The following EEF2K variants were observed in gnomAD, a reference collection of about 807,000 sequenced individuals.
The protein encoded by EEF2K is alternative protein EEF2K.
EEF2K carries 70 observed loss-of-function variants against 93.8 expected under a neutral mutation model. That is an observed-to-expected ratio of 0.75 (90% CI 0.62 to 0.91). The LOEUF is 0.91. EEF2K is among the 40% of genes least tolerant of loss of function. EEF2K has a pLI of 0.00. For missense variants in EEF2K, 935 were observed against 972.9 expected, an observed-to-expected ratio of 0.96 and a Z score of 0.52; for synonymous variants, 376 against 380.8, an observed-to-expected ratio of 0.99 and a Z score of 0.15.
intron 4 of EEF2K, among the ~76,000 whole-genome samples, chr16:22,250,352 A>G (rs1013095543): frequency 6.6e-6 from 1 of 152,106 alleles, no homozygotes; most frequent in Non-Finnish European, 1.5e-5. Flanking sequence ...TCTTACAGTC[A>G]GGGCTGGGAA....
chr16:22,210,669 A>G (rs2142097768), intron 1 of EEF2K, among the ~76,000 whole-genome samples: 1 of 152,300 alleles, frequency 6.6e-6, no homozygotes, highest in East Asian at 1.9e-4. Context: ...TCTCATCTGT[A>G]GAATGAAGCT....
intron 9 of EEF2K, 147 bp downstream of exon 9, chr16:22,257,917 C>G: frequency 8.1e-7 from 1 of 1,238,660 alleles, no homozygotes; most frequent in South Asian, 1.5e-5. Context: ...CATCCATGCC[C>G]CAGCCCGTCC....
chr16:22,264,979 T>G lies in EEF2K; in HGVS notation c.1440+99T>G, dbSNP rs1009461034. 10 of 1,406,186 alleles carry G rather than the reference T, an allele frequency of 7.1e-6. No homozygotes were observed. In the East Asian group the frequency reaches 1.9e-4, roughly 27 times the overall value. The allele number at this position is 1,406,186 out of a possible 1,614,324, so 87.1% of individuals were successfully genotyped here. A position where few individuals can be genotyped will look rare whatever the true frequency, so the allele number is the denominator to read the frequency against. On this transcript the variant is annotated intron_variant, in intron 13 of 17. Coordinates refer to ENST00000263026, the MANE Select transcript of EEF2K (RefSeq NM_013302.5). ...CTCATATCTCTGCTGCCTGCCCATC[T>G]GTCTTGCACATGTGCTAAAGGAAGA...
At chr16:22,239,536 C>T (rs1234294692) in intron 2 of EEF2K, among the ~76,000 whole-genome samples, 3 of 152,102 alleles carry the variant, frequency 2.0e-5, no homozygotes, top group South Asian at 2.1e-4. Context: ...TTGGGCTGGG[C>T]GTGGTGGCTC....
intron 2 of EEF2K, 102 bp downstream of exon 2, chr16:22,226,077 T>A: frequency 6.7e-7 from 1 of 1,503,044 alleles, no homozygotes; most frequent in East Asian, 2.3e-5. Flanking sequence ...TTCCAAACCC[T>A]GGACAGTGCT....
intron 15 of EEF2K, among the ~76,000 whole-genome samples, chr16:22,269,755 G>T (rs753475051): frequency 1.3e-5 from 2 of 152,036 alleles, no homozygotes; most frequent in Non-Finnish European, 2.9e-5. Context: ...ATCACATTCT[G>T]CATGGACGTG....
chr16:22,208,791 G>A (rs531421978), intron 1 of EEF2K, among the ~76,000 whole-genome samples: 1 of 152,170 alleles, frequency 6.6e-6, no homozygotes, highest in Admixed American at 6.5e-5. Context: ...GTATTATGTG[G>A]CAGAGAAAGC....
chr16:22,270,747 C>T (rs2047571318), intron 15 of EEF2K, among the ~76,000 whole-genome samples: 1 of 152,128 alleles, frequency 6.6e-6, no homozygotes, highest in Admixed American at 6.6e-5. Flanking sequence ...AGAATATTGG[C>T]AGTTTCTTAT....
intron 10 of EEF2K, among the ~76,000 whole-genome samples, chr16:22,259,341 G>C (rs1328934748): frequency 6.6e-6 from 1 of 152,172 alleles, no homozygotes; most frequent in Non-Finnish European, 1.5e-5. Flanking sequence ...AGGAGAGCAA[G>C]ATTTTATTGT....
intron 4 of EEF2K, among the ~76,000 whole-genome samples, chr16:22,249,458 C>T (rs745720157): frequency 3.3e-5 from 5 of 152,116 alleles, no homozygotes; most frequent in African/African-American, 7.2e-5. Flanking sequence ...GCCTTAACAT[C>T]GGCCCGTATC....
At chr16:22,274,848 A>G (rs541431731) in intron 16 of EEF2K, among the ~76,000 whole-genome samples, 14 of 152,178 alleles carry the variant, frequency 9.2e-5, no homozygotes, top group African/African-American at 3.1e-4. Flanking sequence ...GGCTCAAGCA[A>G]CCTTCCCTCC....
chr16:22,265,285 C>T lies in EEF2K; in HGVS notation c.1440+405C>T, dbSNP rs142141351. On this transcript the variant is annotated intron_variant, in intron 13 of 17. Transcript: ENST00000263026. ...AGCAACTTTCCCCAGGTTACCCTCG[C>T]TTGTATGTCTAACAAGCATCAGCAA... 1.9e-3 allele frequency: 343 copies of T among 176,752 alleles called. 1 individual carries two copies. The highest frequency in any genetic ancestry group is 2.8e-3 in the Non-Finnish European group (228 of 82,408). The allele number at this position is 176,752 out of a possible 1,614,324, so 10.9% of individuals were successfully genotyped here. A position where few individuals can be genotyped will look rare whatever the true frequency, so the allele number is the denominator to read the frequency against.
At chr16:22,264,735 A>T in intron 12 of EEF2K, 83 bp from the exon 13 acceptor site, 1 of 1,512,560 alleles carries the variant, frequency 6.6e-7, no homozygotes, top group Non-Finnish European at 9.1e-7. Context: ...GGTTCCAGGG[A>T]GGAGGGCTGG....
At chr16:22,250,546 C>T (rs1444634433) in intron 4 of EEF2K, 108 bp from the exon 5 acceptor site, 6 of 1,365,098 alleles carry the variant, frequency 4.4e-6, no homozygotes, top group Non-Finnish European at 6.2e-6. Flanking sequence ...TGAGATGAGG[C>T]CCAGGGCACC....
intron 1 of EEF2K, among the ~76,000 whole-genome samples, chr16:22,217,160 C>CAA (rs59262131): frequency 2.1e-3 from 162 of 75,854 alleles, no homozygotes; most frequent in Non-Finnish European, 3.1e-3. Flanking sequence ...GACCCTGTCT[C>CAA]AAAAAAAAAA....
At chr16:22,222,702 T>TAAAAAAA (rs1161314400) in intron 1 of EEF2K, among the ~76,000 whole-genome samples, 15 of 96,518 alleles carry the variant, frequency 1.6e-4, no homozygotes, top group Middle Eastern at 5.3e-3. Context: ...ACCCCGTCCC[T>TAAAAAAA]AAAAAAAAAA....
intron 2 of EEF2K, among the ~76,000 whole-genome samples, chr16:22,240,076 C>G (rs755885362): frequency 6.2e-5 from 9 of 145,902 alleles, no homozygotes; most frequent in Admixed American, 1.4e-4. Context: ...TCACTCCAGC[C>G]TGGTGACAGA....
intron 1 of EEF2K, among the ~76,000 whole-genome samples, chr16:22,211,858 A>G (rs1419667739): frequency 1.3e-5 from 2 of 152,054 alleles, no homozygotes; most frequent in Non-Finnish European, 1.5e-5. Flanking sequence ...GCACTTGTGC[A>G]TTTATGGTGT....
intron 3 of EEF2K, among the ~76,000 whole-genome samples, chr16:22,245,112 A>C (rs1319453520): frequency 6.6e-6 from 1 of 151,930 alleles, no homozygotes; most frequent in East Asian, 1.9e-4. Context: ...AAATACAAAA[A>C]TTAGCCATAG....
Sources: gnomAD v4.1 joint callset for allele counts (sites outside exome capture counted in the v4.1 genomes callset) on GRCh38, gnomAD v4.1.1 for gene constraint, MANE v1.5 for transcripts, NCBI Gene and HGNC (gene_info 2026-07-23, HGNC 2026-07-21) for gene names.